Variants in SLC22A23 observed in about 807,000 individuals in gnomAD.
SLC22A23 encodes solute carrier family 22 member 23.
Under a neutral mutation model 61.0 loss-of-function variants are expected in SLC22A23, and 26 were observed. The ratio of observed to expected loss-of-function variants is 0.43; its 90% CI spans 0.31 to 0.59. The LOEUF (loss-of-function observed/expected upper bound fraction) is 0.59. Ranked by LOEUF, SLC22A23 falls within the 20% of genes least tolerant of loss-of-function variation. SLC22A23 has a pLI of 0.11. For missense variants in SLC22A23, 796 were observed against 934.7 expected (o/e 0.85, Z 1.94); for synonymous variants, 430 against 413.9 (o/e 1.04, Z -0.47).
chr6:3,315,125 T>C (rs1404725842), intron 4 of SLC22A23, among the ~76,000 whole-genome samples: 1 of 151,820 alleles, frequency 6.6e-6, no homozygotes. Flanking sequence ...AGAATATTTT[T>C]CTACTAGGTG....
intron 3 of SLC22A23, among the ~76,000 whole-genome samples, chr6:3,382,886 A>T (rs960739004): frequency 6.6e-6 from 1 of 152,208 alleles, no homozygotes; most frequent in African/African-American, 2.4e-5. Flanking sequence ...TTACTGATGG[A>T]ATGATGGAAT....
intron 5 of SLC22A23, among the ~76,000 whole-genome samples, chr6:3,293,475 T>C (rs1351883931): frequency 6.6e-6 from 1 of 152,238 alleles, no homozygotes; most frequent in East Asian, 1.9e-4. Context: ...TGAAAGCAAG[T>C]GGAAGATAAG....
At chr6:3,404,815 CT>C (rs1483162990) in intron 3 of SLC22A23, among the ~76,000 whole-genome samples, 2 of 152,182 alleles carry the variant, frequency 1.3e-5, no homozygotes, top group African/African-American at 4.8e-5. Context: ...TAGAAATTTA[CT>C]CCTTTGCTTT....
rs1337909336 is a variant in SLC22A23, at chr6:3,317,439, G to A, written c.1082+6395C>T. 2.0e-5 allele frequency among the ~76,000 whole-genome samples: 3 copies of A among 152,038 alleles called. No homozygotes were observed. Among genetic ancestry groups the A allele is most frequent in the Admixed American group, 6.6e-5 (1 of 15,266 alleles). ...ACCTCCTGCCACCTATCTTCCTAGCGCATCTAAGCAGAATTCCTCCTAGAT... is the reference window on the plus strand; with the variant it reads ...ACCTCCTGCCACCTATCTTCCTAGCACATCTAAGCAGAATTCCTCCTAGAT... On this transcript the variant is annotated intron_variant, in intron 4 of 9. Coordinates refer to ENST00000406686, the MANE Select transcript of SLC22A23 (RefSeq NM_015482.2). The surrounding 1 kb of genome is among the most constrained non-coding windows in gnomAD (Gnocchi z 4.4).
intron 3 of SLC22A23, among the ~76,000 whole-genome samples, chr6:3,365,375 C>T (rs1232285077): frequency 6.6e-6 from 1 of 152,162 alleles, no homozygotes; most frequent in Admixed American, 6.5e-5. Flanking sequence ...ACGGACATGA[C>T]CTCTGTTCTT....
chr6:3,295,616 TG>T (rs1278212351), intron 5 of SLC22A23, among the ~76,000 whole-genome samples: 1 of 152,168 alleles, frequency 6.6e-6, no homozygotes, highest in Non-Finnish European at 1.5e-5. Flanking sequence ...GAGCAGGTGT[TG>T]GCTGTGGGAT....
chr6:3,361,855 T>TTTGAG (rs1457681328), intron 3 of SLC22A23, among the ~76,000 whole-genome samples: 1 of 152,200 alleles, frequency 6.6e-6, no homozygotes, highest in East Asian at 1.9e-4. Flanking sequence ...GTTCTCACGC[T>TTTGAG]ACGACCTAGG....
At position 3,314,007 on chromosome 6, in the gene SLC22A23, C is replaced by T. The variant is rs545370559; in HGVS notation, c.1082+9827G>A. Among the ~76,000 whole-genome samples, 323 of 152,266 alleles carry T rather than the reference C, an allele frequency of 2.1e-3. 1 individual carries two copies. Among genetic ancestry groups the T allele is most frequent in the African/African-American group, 7.0e-3 (292 of 41,562 alleles). On this transcript the variant is annotated intron_variant, in intron 4 of 9. Transcript: ENST00000406686. ...TTGTGCCATTGCACTCCAGCCTGCG[C>T]AATAAGAGCAGAACTCTGTCTCAAA...
At chr6:3,326,523 C>T (rs980124734) in intron 3 of SLC22A23, among the ~76,000 whole-genome samples, 3 of 152,290 alleles carry the variant, frequency 2.0e-5, no homozygotes, top group Middle Eastern at 3.4e-3. Context: ...ACAGACATAT[C>T]GGTGGGAGCT....
intron 3 of SLC22A23, among the ~76,000 whole-genome samples, chr6:3,361,946 A>G (rs1765479600): frequency 1.3e-5 from 2 of 152,192 alleles, no homozygotes. Flanking sequence ...ACACTGCCAC[A>G]TGCTGATGGT....
In SLC22A23 at chr6:3,387,792, A is replaced by C. The variant is rs528120737; in HGVS notation, c.913+22396T>G. Among the ~76,000 whole-genome samples, 1 of 152,348 alleles carries C rather than the reference A, an allele frequency of 6.6e-6. No homozygotes were observed. The highest frequency in any genetic ancestry group is 6.5e-5 in the Admixed American group (1 of 15,298). ...GTAAGTATATGTATATTTCATTCAA[A>C]GAGTTAACGAAACCCAAGAGTCGTG... On this transcript the variant is annotated intron_variant, in intron 3 of 9. Coordinates refer to ENST00000406686, the MANE Select transcript of SLC22A23 (RefSeq NM_015482.2). This position sits in a 1 kb window ranked among gnomAD's most constrained non-coding sequence, Gnocchi z 5.0.
chr6:3,389,268 CAAAAAAAAAAAAAAAA>C (rs61020784), intron 3 of SLC22A23, among the ~76,000 whole-genome samples: 1 of 32,594 alleles, frequency 3.1e-5, no homozygotes, highest in Non-Finnish European at 4.8e-5. Flanking sequence ...AACTCTGTCT[CAAAAAAAAAAAAAAAA>C]AAAAAAAAAA....
At chr6:3,273,533 G>C in intron 9 of SLC22A23, 121 bp from the exon 10 acceptor site, 1 of 1,053,016 alleles carries the variant, frequency 9.5e-7, no homozygotes, top group Non-Finnish European at 1.4e-6. Context: ...GCACTGCCCA[G>C]TATACCCCGA....
chr6:3,432,143 G>A (rs1013015177), intron 1 of SLC22A23: 5 of 928,208 alleles, frequency 5.4e-6, no homozygotes, highest in African/African-American at 1.8e-5. Context: ...GTTCCTCAGT[G>A]TAGAGGCGGT....
intron 3 of SLC22A23, among the ~76,000 whole-genome samples, chr6:3,394,009 G>A (rs1377908476): frequency 1.3e-5 from 2 of 152,298 alleles, no homozygotes; most frequent in Middle Eastern, 3.4e-3. Context: ...TGCCAAAAAG[G>A]AGAGCTTGGA....
At chr6:3,405,243 A>G (rs563709478) in intron 3 of SLC22A23, among the ~76,000 whole-genome samples, 35 of 151,936 alleles carry the variant, frequency 2.3e-4, no homozygotes, top group African/African-American at 8.2e-4. Context: ...CCCAGGCGAC[A>G]GTGCGAGACT....
At chr6:3,355,672 G>A (rs1765027457) in intron 3 of SLC22A23, among the ~76,000 whole-genome samples, 1 of 152,144 alleles carries the variant, frequency 6.6e-6, no homozygotes, top group African/African-American at 2.4e-5. Flanking sequence ...GCCACTTGAT[G>A]CCTGGTCAGT....
rs1199871361 is a variant in SLC22A23 at position 3,284,008 on chromosome 6, A to G, written c.1580-33T>C. The G allele has an allele frequency of 2.5e-6, 4 of 1,582,092 alleles. No individual in the cohort carries two copies. The African/African-American group carries it at 4.0e-5, about 16-fold the overall frequency. On this transcript the variant is annotated intron_variant, in intron 8 of 9. Transcript: ENST00000406686. ...AAGGTCAGAAGAAGGTGGTGAGGGA[A>G]GAGAGGAAGCCAGGCCAGGGTGGGA...
At chr6:3,436,851 G>C (rs1309263889) in intron 1 of SLC22A23, among the ~76,000 whole-genome samples, 1 of 152,222 alleles carries the variant, frequency 6.6e-6, no homozygotes, top group Non-Finnish European at 1.5e-5. Flanking sequence ...TGAACTATAA[G>C]ACTAGACCAC....
Sources: allele counts gnomAD v4.1 joint callset (sites outside exome capture counted in the v4.1 genomes callset), GRCh38; gene constraint gnomAD v4.1.1; non-coding constraint Gnocchi (gnomAD v3.1); transcripts MANE v1.5; gene names NCBI Gene and HGNC (gene_info 2026-07-23, HGNC 2026-07-21).